Variants in PTPRD observed in about 807,000 individuals in gnomAD.
The protein encoded by PTPRD is receptor-type tyrosine-protein phosphatase delta.
In PTPRD, 34 loss-of-function variants were observed where a neutral mutation model predicts 214.5. That is an observed-to-expected ratio of 0.16 (90% confidence interval 0.12 to 0.21). The LOEUF (loss-of-function observed/expected upper bound fraction) is 0.21. PTPRD is among the 10% of genes least tolerant of loss of function. PTPRD has a pLI of 1.00. For missense variants in PTPRD, 2,545 were observed against 2,398.7 expected, an observed-to-expected ratio of 1.06 and a Z score of -1.27; for synonymous variants, 1,128 against 845.7, an observed-to-expected ratio of 1.33 and a Z score of -5.79.
At chr9:10,125,126 T>C (rs2098805990) in intron 3 of PTPRD, among the ~76,000 whole-genome samples, 1 of 152,212 alleles carries the variant, frequency 6.6e-6, no homozygotes, top group South Asian at 2.1e-4. Context: ...GATGATTTTC[T>C]GAGGCAGAAT....
chr9:9,268,522 T>C (rs1460167980), intron 9 of PTPRD, among the ~76,000 whole-genome samples: 2 of 151,314 alleles, frequency 1.3e-5, no homozygotes, highest in East Asian at 3.9e-4. Flanking sequence ...AATCTTAAAA[T>C]TCATCTGGAA....
chr9:9,632,728 C>T (rs2095632054), intron 7 of PTPRD, among the ~76,000 whole-genome samples: 1 of 151,950 alleles, frequency 6.6e-6, no homozygotes, highest in South Asian at 2.1e-4. Context: ...GGTGGTTCAA[C>T]AGGATGCCTG....
intron 11 of PTPRD, among the ~76,000 whole-genome samples, chr9:8,938,352 C>T (rs1045989347): frequency 2.0e-5 from 3 of 152,058 alleles, no homozygotes; most frequent in African/African-American, 7.2e-5. Context: ...ATTCAAAACA[C>T]AGCTACGGTT....
chr9:8,473,242 A>G (rs1489337778), intron 30 of PTPRD, among the ~76,000 whole-genome samples: 2 of 152,194 alleles, frequency 1.3e-5, no homozygotes, highest in African/African-American at 4.8e-5. Flanking sequence ...CCAGCTAGCC[A>G]TTCATTTTCT....
chr9:8,656,179 C>T (rs1668980977), intron 12 of PTPRD, among the ~76,000 whole-genome samples: 1 of 152,160 alleles, frequency 6.6e-6, no homozygotes, highest in Non-Finnish European at 1.5e-5. Flanking sequence ...TCTCTGAGAC[C>T]AGATCCTGAA....
At chr9:9,657,276 T>TAA (rs138879446) in intron 7 of PTPRD, among the ~76,000 whole-genome samples, 1 of 150,160 alleles carries the variant, frequency 6.7e-6, no homozygotes, top group Non-Finnish European at 1.5e-5. Context: ...TATGCAGCCA[T>TAA]AAAAAAAAAG....
At chr9:9,255,042 C>G (rs578124636) in intron 9 of PTPRD, among the ~76,000 whole-genome samples, 1 of 152,058 alleles carries the variant, frequency 6.6e-6, no homozygotes, top group East Asian at 1.9e-4. Flanking sequence ...ACATAAAGAA[C>G]AAAATACAGT....
chr9:9,623,169 A>G (rs750521506), intron 7 of PTPRD, among the ~76,000 whole-genome samples: 1 of 152,184 alleles, frequency 6.6e-6, no homozygotes, highest in African/African-American at 2.4e-5. Flanking sequence ...ATTTCATATA[A>G]TAATTATATT....
chr9:10,571,945 G>C (rs1024716620), intron 2 of PTPRD, among the ~76,000 whole-genome samples: 1 of 152,120 alleles, frequency 6.6e-6, no homozygotes, highest in South Asian at 2.1e-4. Context: ...TTCCTAACAG[G>C]TCACAGAACA....
chr9:10,103,377 T>TTTTATATATATATATATATATATATA (rs1554643479), intron 3 of PTPRD, among the ~76,000 whole-genome samples: 14 of 72,418 alleles, frequency 1.9e-4, no homozygotes, highest in African/African-American at 6.6e-4. Context: ...AAACTGCATA[T>TTTTATATATATATATATATATATATA]TATATATATA....
intron 14 of PTPRD, among the ~76,000 whole-genome samples, chr9:8,597,411 A>T (rs1000897380): frequency 2.0e-5 from 3 of 152,124 alleles, no homozygotes; most frequent in Non-Finnish European, 2.9e-5. Flanking sequence ...GGCTTTTTTT[A>T]AAATTATTCA....
chr9:8,482,305 T>C (rs1264152418), intron 30 of PTPRD, among the ~76,000 whole-genome samples: 1 of 151,768 alleles, frequency 6.6e-6, no homozygotes, highest in Non-Finnish European at 1.5e-5. Flanking sequence ...GTACTACTAC[T>C]CTAGTGTAAC....
At chr9:8,352,699 T>G (rs1302988096) in intron 39 of PTPRD, among the ~76,000 whole-genome samples, 1 of 152,194 alleles carries the variant, frequency 6.6e-6, no homozygotes, top group Non-Finnish European at 1.5e-5. Context: ...TGGAAGGTAC[T>G]TGGAGGGCAT....
intron 11 of PTPRD, among the ~76,000 whole-genome samples, chr9:8,842,169 T>C (rs1473963684): frequency 6.6e-6 from 1 of 152,042 alleles, no homozygotes; most frequent in Non-Finnish European, 1.5e-5. Flanking sequence ...CCAGAACCTG[T>C]GACGCTCCCT....
At chr9:10,536,188 T>C (rs2057754893) in intron 2 of PTPRD, among the ~76,000 whole-genome samples, 3 of 152,044 alleles carry the variant, frequency 2.0e-5, no homozygotes, top group African/African-American at 7.2e-5. Flanking sequence ...AATATTACTG[T>C]GATACACATA....
chr9:9,278,549 T>G (rs1356176031), intron 9 of PTPRD, among the ~76,000 whole-genome samples: 4 of 151,238 alleles, frequency 2.6e-5, no homozygotes, highest in Non-Finnish European at 4.4e-5. Flanking sequence ...GATGAGGGAT[T>G]TGGGAAAAGT....
chr9:9,738,439 C>CTTTTT (rs71319292), intron 6 of PTPRD, among the ~76,000 whole-genome samples: 18,995 of 76,224 alleles, frequency 0.25, 4,263 homozygotes, highest in African/African-American at 0.3. Context: ...CACTCACTCA[C>CTTTTT]TTTTTTTTTT....
In PTPRD at chr9:9,498,428, G is replaced by T. The variant is rs1589935101; in HGVS notation, c.-237+76304C>A. ...GGTTATAAACTTGGACTTCACCTGGGGTTTCATTTAGATTTGATAAATTAT... is the reference window on the plus strand; with the variant it reads ...GGTTATAAACTTGGACTTCACCTGGTGTTTCATTTAGATTTGATAAATTAT... On this transcript the variant is annotated intron_variant, in intron 8 of 45. Coordinates refer to ENST00000381196, the MANE Select transcript of PTPRD (RefSeq NM_002839.4). Among the ~76,000 whole-genome samples the T allele has an allele frequency of 3.3e-5, 5 of 152,110 alleles. No homozygotes were observed. The East Asian group carries it at 7.7e-4, about 23-fold the overall frequency.
At position 9,497,494 on chromosome 9, in the gene PTPRD, A is replaced by T. The variant is rs1271628864; in HGVS notation, c.-237+77238T>A. 3.9e-5 allele frequency among the ~76,000 whole-genome samples: 6 copies of T among 152,278 alleles called. No homozygotes were observed. The South Asian group carries it at 1.2e-3, about 32-fold the overall frequency. On this transcript the variant is annotated intron_variant, in intron 8 of 45. Coordinates refer to ENST00000381196, the MANE Select transcript of PTPRD (RefSeq NM_002839.4). ...ATCATCCCCCTCCAACATGCACAATATTGACACGCATTCACTCAAACTAAG... is the reference window on the plus strand; with the variant it reads ...ATCATCCCCCTCCAACATGCACAATTTTGACACGCATTCACTCAAACTAAG...
Sources: gnomAD v4.1 joint callset for allele counts (sites outside exome capture counted in the v4.1 genomes callset) on GRCh38, gnomAD v4.1.1 for gene constraint, MANE v1.5 for transcripts, NCBI Gene and HGNC (gene_info 2026-07-23, HGNC 2026-07-21) for gene names.